KCNH5: variants seen among roughly 807,000 people sequenced by gnomAD.
The protein encoded by KCNH5 is potassium voltage-gated channel subfamily H member 5, also known as voltage-gated delayed rectifier potassium channel KCNH5.
In KCNH5, 46 loss-of-function variants were observed where a neutral mutation model predicts 96.1. The ratio of observed to expected loss-of-function variants is 0.48; its 90% CI spans 0.38 to 0.61. The LOEUF (loss-of-function observed/expected upper bound fraction) is 0.61. Ranked by LOEUF, KCNH5 falls within the 20% of genes least tolerant of loss-of-function variation. The pLI, the probability that KCNH5 is intolerant of heterozygous loss-of-function variation, is 0.00. For missense variants in KCNH5, 907 were observed against 1,225.8 expected, an observed-to-expected ratio of 0.74 and a Z score of 3.88; for synonymous variants, 439 against 449.8, an observed-to-expected ratio of 0.98 and a Z score of 0.30.
intron 6 of KCNH5, among the ~76,000 whole-genome samples, chr14:62,974,228 T>C (rs1406796704): frequency 6.6e-6 from 1 of 152,202 alleles, no homozygotes; most frequent in Non-Finnish European, 1.5e-5. Flanking sequence ...TTATCACTTA[T>C]TAAGACTACT....
At chr14:63,031,171 T>C (rs1437661004) in intron 1 of KCNH5, among the ~76,000 whole-genome samples, 1 of 151,906 alleles carries the variant, frequency 6.6e-6, no homozygotes, top group Non-Finnish European at 1.5e-5. Context: ...GGACCAGGCC[T>C]CCCTGTCTAA....
intron 4 of KCNH5, among the ~76,000 whole-genome samples, chr14:62,994,308 C>T (rs1890867147): frequency 6.6e-6 from 1 of 151,918 alleles, no homozygotes; most frequent in African/African-American, 2.4e-5. Flanking sequence ...CAAGAAAATG[C>T]CATAACTATT....
chr14:62,964,015 A>G (rs904458140), intron 6 of KCNH5, among the ~76,000 whole-genome samples: 1 of 152,166 alleles, frequency 6.6e-6, no homozygotes, highest in Non-Finnish European at 1.5e-5. Context: ...CTATAAGAAA[A>G]TGATACTGGA....
intron 10 of KCNH5, among the ~76,000 whole-genome samples, chr14:62,776,349 C>T (rs1216486756): frequency 6.6e-6 from 1 of 152,010 alleles, no homozygotes; most frequent in Non-Finnish European, 1.5e-5. Context: ...CTTCCCACCT[C>T]CCATCTCTCT....
At position 62,962,047 on chromosome 14, in the gene KCNH5, G is replaced by A. The variant is rs185878777; in HGVS notation, c.943-11488C>T. The stretch of plus-strand genomic sequence containing the variant: ...TGCAGATGCAGATGCAGATGGAGAC[G>A]GAGATGGAGAGAAGATAGAGATGGA... On this transcript the variant is annotated intron_variant, in intron 6 of 10. Transcript: ENST00000322893. Among the ~76,000 whole-genome samples, 8 of 151,958 alleles carry A rather than the reference G, an allele frequency of 5.3e-5. No homozygotes were observed. The South Asian group carries it at 8.3e-4, about 16-fold the overall frequency.
chr14:62,845,558 C>T (rs1293431455), intron 8 of KCNH5, among the ~76,000 whole-genome samples: 3 of 152,100 alleles, frequency 2.0e-5, no homozygotes, highest in Non-Finnish European at 4.4e-5. Context: ...GTGGAAGCAC[C>T]GGCCAGTTAG....
rs542811046 is a variant in KCNH5, at chr14:62,744,298, T to G, written c.2019+35430A>C. On this transcript the variant is annotated intron_variant, in intron 10 of 10. Coordinates refer to ENST00000322893, the MANE Select transcript of KCNH5 (RefSeq NM_139318.5). ...CTAACTCCTCAGGTTCTTGGATTTTTCATTTATAAAATGGAGACAATGTTA... is the reference window on the plus strand; with the variant it reads ...CTAACTCCTCAGGTTCTTGGATTTTGCATTTATAAAATGGAGACAATGTTA... Among the ~76,000 whole-genome samples, 6 of 152,300 alleles carry G rather than the reference T, an allele frequency of 3.9e-5. No individual in the cohort carries two copies. The East Asian group carries it at 1.2e-3, about 29-fold the overall frequency.
chr14:62,725,873 A>G (rs1003173118), intron 10 of KCNH5, among the ~76,000 whole-genome samples: 14 of 152,214 alleles, frequency 9.2e-5, no homozygotes, highest in Non-Finnish European at 1.9e-4. Flanking sequence ...AGAAGAAAAA[A>G]CTGGAAGATT....
chr14:63,024,213 A>AAAAAAAAAAAAAAAAAAAAAAAATAT (rs1288682150), intron 1 of KCNH5, among the ~76,000 whole-genome samples: 1 of 139,878 alleles, frequency 7.1e-6, no homozygotes, highest in Non-Finnish European at 1.6e-5. Flanking sequence ...CATCTCAAAA[A>AAAAAAAAAAAAAAAAAAAAAAAATAT]ATATATATAT....
Position 62,972,259 on chromosome 14 carries a change from T to C in KCNH5, c.942+8613A>G, listed in dbSNP as rs562815448. Among the ~76,000 whole-genome samples, 8 of 152,326 alleles carry C rather than the reference T, an allele frequency of 5.3e-5. No individual in the cohort carries two copies. The East Asian group carries it at 1.2e-3, about 22-fold the overall frequency. On this transcript the variant is annotated intron_variant, in intron 6 of 10. Coordinates refer to ENST00000322893, the MANE Select transcript of KCNH5 (RefSeq NM_139318.5). ...TTCAGCAATATATGCCATTTGTCAA[T>C]TGAAAATTTTAAAACATCAAAAGAG...
chr14:62,775,551 T>A (rs1457392957), intron 10 of KCNH5, among the ~76,000 whole-genome samples: 1 of 152,168 alleles, frequency 6.6e-6, no homozygotes, highest in Admixed American at 6.5e-5. Context: ...TGAAATGAAC[T>A]CTCCATTTCC....
At chr14:62,847,873 A>G (rs4902190) in intron 8 of KCNH5, among the ~76,000 whole-genome samples, 101,839 of 152,150 alleles carry the variant, frequency 0.67, 35,787 homozygotes, top group East Asian at 0.93. Context: ...CATGGCATGC[A>G]CACTTTGAGA....
chr14:62,736,429 G>T (rs1363425375), intron 10 of KCNH5, among the ~76,000 whole-genome samples: 3 of 151,630 alleles, frequency 2.0e-5, no homozygotes, highest in Non-Finnish European at 2.9e-5. Context: ...AATCCAAAGG[G>T]CATCAGCCTG....
chr14:62,925,833 G>A (rs2140111965), intron 7 of KCNH5, among the ~76,000 whole-genome samples: 2 of 152,106 alleles, frequency 1.3e-5, no homozygotes, highest in African/African-American at 4.8e-5. Context: ...AAATGGTTGA[G>A]TGCTCTCTGA....
intron 7 of KCNH5, among the ~76,000 whole-genome samples, chr14:62,881,770 T>A (rs982894387): frequency 2.0e-5 from 3 of 146,896 alleles, no homozygotes; most frequent in African/African-American, 7.3e-5. Flanking sequence ...CGAAAAAGAA[T>A]ATTCAGATTA....
At chr14:62,821,822 C>T (rs1887119220) in intron 8 of KCNH5, among the ~76,000 whole-genome samples, 1 of 152,116 alleles carries the variant, frequency 6.6e-6, no homozygotes, top group African/African-American at 2.4e-5. Context: ...ATAATTCTAT[C>T]CGTCTCAAAT....
intron 6 of KCNH5, among the ~76,000 whole-genome samples, chr14:62,964,283 T>A (rs1022003600): frequency 3.9e-5 from 6 of 152,244 alleles, no homozygotes; most frequent in African/African-American, 1.4e-4. Context: ...ATACTAAATC[T>A]TCCATCACTT....
At chr14:62,858,592 T>A (rs1461402665) in intron 7 of KCNH5, among the ~76,000 whole-genome samples, 1 of 152,148 alleles carries the variant, frequency 6.6e-6, no homozygotes, top group Non-Finnish European at 1.5e-5. Context: ...TTTAATGGAA[T>A]CTTTGTTGTG....
intron 10 of KCNH5, among the ~76,000 whole-genome samples, chr14:62,727,258 G>T (rs1341197085): frequency 6.6e-6 from 1 of 152,096 alleles, no homozygotes; most frequent in African/African-American, 2.4e-5. Context: ...CCAGCTACTT[G>T]GGAAGCTGAG....
Sources: gnomAD v4.1 joint callset for allele counts (sites outside exome capture counted in the v4.1 genomes callset) on GRCh38, gnomAD v4.1.1 for gene constraint, MANE v1.5 for transcripts, NCBI Gene and HGNC (gene_info 2026-07-23, HGNC 2026-07-21) for gene names.